Variants in MYO1B observed in about 807,000 individuals in gnomAD.
The protein encoded by MYO1B is myosin IB.
In MYO1B, 72 loss-of-function variants were observed where a neutral mutation model predicts 159.7. The observed-to-expected ratio is 0.45, with a 90% CI of 0.37 to 0.55. MYO1B has a LOEUF of 0.55. Ranked by LOEUF, MYO1B falls within the 20% of genes least tolerant of loss-of-function variation. The pLI, the probability that MYO1B is intolerant of heterozygous loss-of-function variation, is 0.00. For missense variants in MYO1B, 1,062 were observed against 1,364.8 expected (o/e 0.78, Z 3.50); for synonymous variants, 468 against 473.8 (o/e 0.99, Z 0.16).
intron 21 of MYO1B, 136 bp from the exon 22 acceptor site, chr2:191,400,246 T>G (rs1696524029): frequency 1.1e-6 from 1 of 909,162 alleles, no homozygotes; most frequent in African/African-American, 1.6e-5. Flanking sequence ...GCTAGTCACC[T>G]TCGCCTTCTT....
chr2:191,383,409 C>G (rs991528393), intron 15 of MYO1B, 67 bp downstream of exon 15: 2 of 754,908 alleles, frequency 2.6e-6, no homozygotes, highest in Admixed American at 3.5e-5. Flanking sequence ...TAAATGTTCT[C>G]AGTGCCTCAA....
At chr2:191,278,980 A>G (rs774236626) in intron 2 of MYO1B, among the ~76,000 whole-genome samples, 2 of 152,252 alleles carry the variant, frequency 1.3e-5, no homozygotes, top group Admixed American at 6.5e-5. Context: ...CATTACGTGC[A>G]TTCAAATACC....
Position 191,261,004 on chromosome 2 carries a change from G to A in MYO1B, c.-10+15378G>A, listed in dbSNP as rs138303437. 5.6e-3 allele frequency among the ~76,000 whole-genome samples: 856 copies of A among 152,286 alleles called. 5 individuals are homozygous for A. The highest frequency in any genetic ancestry group is 0.02 in the African/African-American group (812 of 41,562). On this transcript the variant is annotated intron_variant, in intron 1 of 30. Coordinates refer to ENST00000392318, the MANE Select transcript of MYO1B (RefSeq NM_001130158.3). ...TCCAGACTCACAGCTTTAGAAAACA[G>A]TCTAAGCTTTTATTGACTTCCAGAC...
In MYO1B at chr2:191,424,353, TG is replaced by T. The variant is rs1204813149; in HGVS notation, c.*394del. 6.2e-6 allele frequency: 1 copy of T among 161,190 alleles called. No homozygotes were observed. Among genetic ancestry groups the T allele is most frequent in the East Asian group, 1.8e-4 (1 of 5,588 alleles). 10.0% of individuals were successfully genotyped at this position (161,190 alleles called of 1,614,324 possible). On this transcript the variant is annotated 3_prime_UTR_variant, in exon 31 of 31. Transcript: ENST00000392318. The stretch of plus-strand genomic sequence containing the variant: ...CATGCCTACTCTATGCTAGGCACTG[TG>T]CTAGATGGTATGAAAACTTATTAGG...
At chr2:191,318,839 T>C (rs939030009) in intron 3 of MYO1B, among the ~76,000 whole-genome samples, 3 of 152,068 alleles carry the variant, frequency 2.0e-5, no homozygotes, top group Non-Finnish European at 4.4e-5. Flanking sequence ...CATGCAAGAG[T>C]TGTTTGAAAC....
At position 191,350,203 on chromosome 2, in the gene MYO1B, A is replaced by G. The variant is rs2125982971; in HGVS notation, c.540A>G (p.Pro180=). The change falls in exon 7 of 31, where the codon CCA becomes CCG. Residue 180 remains proline, a synonymous_variant. Transcript: ENST00000392318. ...MDIEFDFKGD[P]LGGVISNYLL... ...TTGAATTTGACTTTAAAGGCGATCC[A>G]CTAGGAGGAGTAATAAGTAACTGTG... 6.2e-7 allele frequency: 1 copy of G among 1,612,798 alleles called. No individual in the cohort carries two copies. The highest frequency in any genetic ancestry group is 8.5e-7 in the Non-Finnish European group (1 of 1,179,114).
At chr2:191,326,768 ATATG>A (rs1289550930) in intron 3 of MYO1B, among the ~76,000 whole-genome samples, 126 of 109,214 alleles carry the variant, frequency 1.2e-3, no homozygotes, top group African/African-American at 3.0e-3. Context: ...GTGTTTGTAT[ATATG>A]TGTGTGTGTG....
At chr2:191,419,253 C>G (rs1385568769) in intron 30 of MYO1B, among the ~76,000 whole-genome samples, 6 of 151,932 alleles carry the variant, frequency 3.9e-5, no homozygotes, top group African/African-American at 1.5e-4. Flanking sequence ...CAGTCTTGCA[C>G]TGTTGCCCAG....
At chr2:191,374,374 A>G (rs1266322939) in intron 13 of MYO1B, among the ~76,000 whole-genome samples, 1 of 152,234 alleles carries the variant, frequency 6.6e-6, no homozygotes, top group Non-Finnish European at 1.5e-5. Flanking sequence ...TGTAGGAATT[A>G]AGAGTTCTGC....
Position 191,390,390 on chromosome 2 carries a change from T to C in MYO1B, c.1880T>C (p.Val627Ala). 6.2e-7 allele frequency: 1 copy of C among 1,614,216 alleles called. No individual in the cohort carries two copies. Among genetic ancestry groups the C allele is most frequent in the Non-Finnish European group, 8.5e-7 (1 of 1,180,032 alleles). The change falls in exon 18 of 31, where the codon GTG becomes GCG. Residue 627 changes from valine to alanine, a missense_variant. Physicochemically the swap from Val to Ala is moderately conservative, Grantham distance 64 (BLOSUM62 0). Around this residue, in one of 5 missense-constraint regions of MYO1B, gnomAD observed 609 missense variants for 744.4 expected, o/e 0.82. Transcript: ENST00000392318. The part of the protein sequence containing the change: ...RYLGLLENVR[V>A]RRAGYAFRQA... ...CTGGGGCTTTTGGAGAACGTCCGAG[T>C]GCGGAGGGCAGGCTACGCCTTCAGG...
At chr2:191,268,594 G>A (rs1437375759) in intron 1 of MYO1B, among the ~76,000 whole-genome samples, 1 of 152,196 alleles carries the variant, frequency 6.6e-6, no homozygotes, top group East Asian at 1.9e-4. Flanking sequence ...GGAACCTCTC[G>A]AGGGCCTACA....
intron 7 of MYO1B, among the ~76,000 whole-genome samples, chr2:191,357,148 A>AT (rs930829788): frequency 1.2e-4 from 18 of 151,738 alleles, no homozygotes; most frequent in Admixed American, 2.6e-4. Flanking sequence ...ATGTGATGTG[A>AT]TTTTTTTTTC....
intron 1 of MYO1B, among the ~76,000 whole-genome samples, chr2:191,246,883 A>T (rs1405689460): frequency 6.6e-6 from 1 of 152,180 alleles, no homozygotes; most frequent in Non-Finnish European, 1.5e-5. Context: ...GTTTGAACTG[A>T]GGAGCCCTGG....
chr2:191,396,299 G>GGTTTGA, intron 20 of MYO1B, 130 bp from the exon 21 acceptor site: 1 of 855,982 alleles, frequency 1.2e-6, no homozygotes, highest in South Asian at 1.6e-5. Context: ...GTTTCTTTAT[G>GGTTTGA]TATTGGTTTC....
intron 2 of MYO1B, among the ~76,000 whole-genome samples, chr2:191,286,636 A>G (rs1327381642): frequency 6.6e-6 from 1 of 152,222 alleles, no homozygotes; most frequent in African/African-American, 2.4e-5. Flanking sequence ...TTTCCTGTAT[A>G]CAAAGACCAT....
At position 191,306,354 on chromosome 2, in the gene MYO1B, TC is replaced by T. The variant is rs1302929690; in HGVS notation, c.251+10129del. Among the ~76,000 whole-genome samples, 8 of 152,232 alleles carry T rather than the reference TC, an allele frequency of 5.3e-5. No homozygotes were observed. In the East Asian group the frequency reaches 1.4e-3, roughly 26 times the overall value. ...CTAGAACAGCATGGCACATCAGTGATCTAAGTTCGTGTGGTTTCCTAAGGTT... is the reference window on the plus strand; with the variant it reads ...CTAGAACAGCATGGCACATCAGTGATTAAGTTCGTGTGGTTTCCTAAGGTT... On this transcript the variant is annotated intron_variant, in intron 3 of 30. Coordinates refer to ENST00000392318, the MANE Select transcript of MYO1B (RefSeq NM_001130158.3).
Position 191,392,157 on chromosome 2 carries a change from T to A in MYO1B, c.2032T>A (p.Tyr678Asn). 3.1e-6 allele frequency: 5 copies of A among 1,610,316 alleles called. No individual in the cohort carries two copies. The highest frequency in any genetic ancestry group is 4.2e-6 in the Non-Finnish European group (5 of 1,177,178). The change falls in exon 19 of 31, where the codon TAC becomes AAC. Residue 678 changes from tyrosine (Y) to asparagine (N), a missense_variant. Tyr to Asn is a moderately radical substitution (Grantham distance 143). Transcript: ENST00000392318. ...FNELEIPVEE[Y>N]SFGRSKIFIR... ...TGAATTAGAAATTCCCGTGGAAGAA[T>A]ACTCCTTTGGTAGATCAAAGATATT...
At chr2:191,267,334 A>G (rs1047732638) in intron 1 of MYO1B, among the ~76,000 whole-genome samples, 1 of 152,242 alleles carries the variant, frequency 6.6e-6, no homozygotes, top group African/African-American at 2.4e-5. Context: ...ACAACATACT[A>G]TATGGAAATT....
At chr2:191,351,892 A>C (rs969176227) in intron 7 of MYO1B, among the ~76,000 whole-genome samples, 9 of 152,196 alleles carry the variant, frequency 5.9e-5, no homozygotes, top group Non-Finnish European at 1.2e-4. Context: ...CTCAAAAATA[A>C]ATAAATAAAT....
Sources: allele counts gnomAD v4.1 joint callset (sites outside exome capture counted in the v4.1 genomes callset), GRCh38; gene constraint gnomAD v4.1.1; regional missense constraint gnomAD v4.1.1; transcripts MANE v1.5; gene names NCBI Gene and HGNC (gene_info 2026-07-23, HGNC 2026-07-21).